SYTL2: variants seen among roughly 807,000 people sequenced by gnomAD.
SYTL2 encodes synaptotagmin-like protein 2.
Under a neutral mutation model 198.7 loss-of-function variants are expected in SYTL2, and 165 were observed. The ratio of observed to expected loss-of-function variants is 0.83; its 90% confidence interval spans 0.73 to 0.94. SYTL2 has a LOEUF of 0.94. SYTL2 is among the 40% of genes least tolerant of loss of function. The pLI is 0.00. For missense variants in SYTL2, 2,835 were observed against 2,582.8 expected (o/e 1.10, Z -2.12); for synonymous variants, 966 against 917.7 (o/e 1.05, Z -0.95).
chr11:85,805,555 A>G (rs1191432547), intron 1 of SYTL2, among the ~76,000 whole-genome samples: 1 of 152,136 alleles, frequency 6.6e-6, no homozygotes, highest in East Asian at 1.9e-4. Flanking sequence ...CTCAGCCTCA[A>G]AGCCCTGTGT....
intron 2 of SYTL2, 68 bp from the exon 3 acceptor site, chr11:85,748,491 G>A (rs569106084): frequency 1.7e-5 from 26 of 1,489,712 alleles, no homozygotes; most frequent in South Asian, 1.1e-4. Flanking sequence ...TTATGACACC[G>A]CATAAAGACA....
chr11:85,742,227 C>G (rs913885038), intron 4 of SYTL2, among the ~76,000 whole-genome samples: 34 of 152,306 alleles, frequency 2.2e-4, no homozygotes, highest in African/African-American at 8.2e-4. Flanking sequence ...GCTCTTCTCT[C>G]ATAGCTATGC....
At position 85,724,795 on chromosome 11, in the gene SYTL2, C is replaced by T; in HGVS notation, c.4563G>A (p.Gly1521=). The change falls in exon 8 of 20, where the codon GGG becomes GGA. Residue 1521 remains glycine (G), a synonymous_variant. Transcript: ENST00000359152. ...TFPSKYESDT[G]NLSPSKLIGS... is the part of the protein sequence containing the mutation. ...CTATTAACTTTGATGGAGAAAGATT[C>T]CCTGTATCACTTTCATATTTTGAGG... 2.5e-6 allele frequency: 4 copies of T among 1,612,958 alleles called. No individual in the cohort carries two copies. The highest frequency in any genetic ancestry group is 3.4e-6 in the Non-Finnish European group (4 of 1,179,622).
the SYTL2 span, among the ~76,000 whole-genome samples, chr11:85,845,199 T>A: frequency 1.6e-3 from 239 of 152,320 alleles, 1 homozygote; most frequent in Non-Finnish European, 2.4e-3. Flanking sequence ...TTCTGGAAAG[T>A]ATCCAACTGT....
intron 1 of SYTL2, among the ~76,000 whole-genome samples, chr11:85,796,246 G>A (rs1197546995): frequency 6.6e-6 from 1 of 152,040 alleles, no homozygotes; most frequent in Non-Finnish European, 1.5e-5. Flanking sequence ...TAGGTTATAT[G>A]GCATCAAATT....
the SYTL2 span, among the ~76,000 whole-genome samples, chr11:85,833,006 G>GAAAGA: frequency 2.2e-4 from 14 of 62,348 alleles, 3 homozygotes; most frequent in East Asian, 6.7e-4. Flanking sequence ...AAAAAAAAAA[G>GAAAGA]AAAGAAAAGA....
At chr11:85,756,766 C>T (rs544481594) in intron 2 of SYTL2, among the ~76,000 whole-genome samples, 30 of 152,292 alleles carry the variant, frequency 2.0e-4, no homozygotes, top group Middle Eastern at 3.4e-3. Flanking sequence ...AAATCATCCA[C>T]GTTAAATCAG....
At chr11:85,843,384 TA>T in the SYTL2 span, among the ~76,000 whole-genome samples, 1 of 151,692 alleles carries the variant, frequency 6.6e-6, no homozygotes, top group South Asian at 2.1e-4. Context: ...AAAAATAAAA[TA>T]AAAAATAACA....
the SYTL2 span, among the ~76,000 whole-genome samples, chr11:85,836,121 T>C: frequency 6.6e-6 from 1 of 152,142 alleles, no homozygotes; most frequent in Non-Finnish European, 1.5e-5. Context: ...CAAACAAACA[T>C]ATAACTAATC....
At chr11:85,793,030 G>A (rs957562917) in intron 1 of SYTL2, among the ~76,000 whole-genome samples, 8 of 151,890 alleles carry the variant, frequency 5.3e-5, no homozygotes, top group Non-Finnish European at 8.8e-5. Context: ...GTCTATCATT[G>A]TTGAACATTT....
the SYTL2 span, among the ~76,000 whole-genome samples, chr11:85,848,468 G>T: frequency 6.6e-6 from 1 of 151,546 alleles, no homozygotes. Flanking sequence ...TTAATTTTTT[G>T]TATGGTTTTT....
At chr11:85,844,777 C>G in the SYTL2 span, among the ~76,000 whole-genome samples, 2 of 152,302 alleles carry the variant, frequency 1.3e-5, no homozygotes, top group East Asian at 1.9e-4. Flanking sequence ...ATTCTGGAAC[C>G]TGACCCTGTC....
intron 7 of SYTL2, chr11:85,733,582 T>A (rs1238325076): frequency 2.1e-5 from 2 of 95,646 alleles, no homozygotes; most frequent in Non-Finnish European, 2.1e-5. Flanking sequence ...GCCCACCAAG[T>A]TTTTTTTTTT....
At chr11:85,742,202 T>C (rs1211532877) in intron 4 of SYTL2, among the ~76,000 whole-genome samples, 1 of 152,172 alleles carries the variant, frequency 6.6e-6, no homozygotes, top group African/African-American at 2.4e-5. Context: ...TGCAGTCTAG[T>C]TCTCCATCTT....
At chr11:85,760,816 T>G (rs1022141753) in intron 1 of SYTL2, among the ~76,000 whole-genome samples, 3 of 152,132 alleles carry the variant, frequency 2.0e-5, no homozygotes, top group Non-Finnish European at 2.9e-5. Flanking sequence ...TCCCTTAAAA[T>G]AGGCTGTTAG....
chr11:85,707,570 A>T (rs1565868842), intron 14 of SYTL2, 39 bp from the exon 15 acceptor site: 1 of 1,342,500 alleles, frequency 7.4e-7, no homozygotes, highest in Non-Finnish European at 1.1e-6. Context: ...CAAAGAAAAT[A>T]AAAGTTATGT....
chr11:85,696,996 T>C (rs1591522619), intron 18 of SYTL2, among the ~76,000 whole-genome samples: 1 of 152,180 alleles, frequency 6.6e-6, no homozygotes, highest in Non-Finnish European at 1.5e-5. Flanking sequence ...TAACCTACCA[T>C]GCCTCTTGTA....
rs201205445 is a variant in SYTL2, at chr11:85,720,861, A to G, written c.5425T>C (p.Ser1809Pro). The G allele has an allele frequency of 3.3e-4, 524 of 1,609,482 alleles. 1 individual carries two copies. The highest frequency in any genetic ancestry group is 3.9e-4 in the Non-Finnish European group (463 of 1,175,846). The change falls in exon 9 of 20, where the codon TCA becomes CCA. Residue 1809 changes from serine to proline, a missense_variant. Transcript: ENST00000359152. ...KSLEDISSDS[S>P]NQAKVDNQPE... Reference sequence around the variant, plus strand: ...GTGAGGCGAACTTTATTCTCACTTGATGAATCTGATGAAATGTCTTCTAGA... The same window carrying G: ...GTGAGGCGAACTTTATTCTCACTTGGTGAATCTGATGAAATGTCTTCTAGA...
intron 1 of SYTL2, among the ~76,000 whole-genome samples, chr11:85,783,399 G>A (rs2092592413): frequency 6.6e-6 from 1 of 152,046 alleles, no homozygotes; most frequent in African/African-American, 2.4e-5. Context: ...TGGGGATTAT[G>A]GGAACTACAA....
Sources: gnomAD v4.1 joint callset for allele counts (sites outside exome capture counted in the v4.1 genomes callset) on GRCh38, gnomAD v4.1.1 for gene constraint, MANE v1.5 for transcripts, NCBI Gene and HGNC (gene_info 2026-07-23, HGNC 2026-07-21) for gene names.